The following SLC9A6 variants were observed in gnomAD, a reference collection of about 807,000 sequenced individuals.
The protein encoded by SLC9A6 is sodium/hydrogen exchanger 6.
Under a neutral mutation model 45.3 loss-of-function variants are expected in SLC9A6, and 6 were observed. That is an observed-to-expected ratio of 0.13 (90% CI 0.07 to 0.26). The LOEUF (loss-of-function observed/expected upper bound fraction) is 0.26. Among genes scored for constraint, SLC9A6 ranks in the 10% least tolerant of loss-of-function variants. SLC9A6 has a pLI of 1.00. For missense variants in SLC9A6, 278 were observed against 503.7 expected, an observed-to-expected ratio of 0.55 and a Z score of 4.29; for synonymous variants, 191 against 187.7, an observed-to-expected ratio of 1.02 and a Z score of -0.14.
chrX:136,001,533 A>G (rs2089584126), intron 6 of SLC9A6, among the ~76,000 whole-genome samples: 1 of 111,133 alleles, frequency 9.0e-6, no homozygotes. Context: ...TTTCTTCTTA[A>G]GCTGGAATAT....
intron 4 of SLC9A6, 125 bp downstream of exon 4, chrX:135,998,310 T>C (rs1338843211): frequency 7.1e-6 from 4 of 566,728 alleles, no homozygotes; most frequent in Non-Finnish European, 1.2e-5. Flanking sequence ...CTTATCCTTT[T>C]TAGATGCTGA....
chrX:136,037,436 A>C (rs1021226774), intron 16 of SLC9A6, among the ~76,000 whole-genome samples: 10 of 112,863 alleles, frequency 8.9e-5, no homozygotes, highest in African/African-American at 2.9e-4. Flanking sequence ...TTTTCAGTAC[A>C]CAGCTCTTGT....
chrX:135,997,724 A>G (rs1377558980), intron 3 of SLC9A6, among the ~76,000 whole-genome samples: 13 of 105,228 alleles, frequency 1.2e-4, no homozygotes, highest in African/African-American at 4.6e-4. Context: ...CCCTATTTTT[A>G]ACTTTTTTCT....
intron 1 of SLC9A6, among the ~76,000 whole-genome samples, chrX:135,976,864 C>CT (rs1464159310): frequency 5.4e-5 from 6 of 111,866 alleles, no homozygotes; most frequent in South Asian, 3.7e-4. Flanking sequence ...ATTTCTCACT[C>CT]TTTTTTTACC....
At chrX:136,028,392 T>G (rs1315747319) in intron 13 of SLC9A6, among the ~76,000 whole-genome samples, 2 of 111,966 alleles carry the variant, frequency 1.8e-5, no homozygotes, top group South Asian at 3.7e-4. Context: ...GCCCTAGTTG[T>G]GTTGGTTTCC....
intron 11 of SLC9A6, 97 bp from the exon 12 acceptor site, chrX:136,022,489 C>G: frequency 2.0e-6 from 1 of 496,992 alleles, no homozygotes; most frequent in Non-Finnish European, 3.4e-6. Context: ...GTGTTAGAAA[C>G]TGAGTTCCCT....
At chrX:136,010,346 TCTC>T in intron 7 of SLC9A6, 93 bp from the exon 8 acceptor site, 1 of 989,065 alleles carries the variant, frequency 1.0e-6, no homozygotes, top group South Asian at 2.1e-5. Flanking sequence ...TTGTTTTTCT[TCTC>T]CCTCTAATTT....
chrX:135,994,278 G>A (rs1430556780), intron 2 of SLC9A6, among the ~76,000 whole-genome samples: 4 of 109,236 alleles, frequency 3.7e-5, no homozygotes, highest in Non-Finnish European at 7.6e-5. Flanking sequence ...CTGATTTTTT[G>A]TATCTTAGTA....
chrX:136,039,209 A>G (rs1556622156), intron 16 of SLC9A6, among the ~76,000 whole-genome samples: 1 of 109,380 alleles, frequency 9.1e-6, no homozygotes, highest in Non-Finnish European at 1.9e-5. Context: ...GCAAAAATCA[A>G]ATAAAAAAAA....
chrX:136,020,659 C>T (rs1024522127), intron 11 of SLC9A6, among the ~76,000 whole-genome samples: 3 of 112,231 alleles, frequency 2.7e-5, no homozygotes, highest in African/African-American at 9.7e-5. Flanking sequence ...GCGTGAGCCA[C>T]CACACCCAGC....
At chrX:135,979,478 A>AGTTG (rs1208502170) in intron 1 of SLC9A6, among the ~76,000 whole-genome samples, 2 of 111,446 alleles carry the variant, frequency 1.8e-5, no homozygotes, top group Non-Finnish European at 3.8e-5. Flanking sequence ...ACCTGTCCAT[A>AGTTG]GTTGAGCTCT....
chrX:136,010,678 TG>T, intron 8 of SLC9A6, 95 bp downstream of exon 8: 1 of 803,694 alleles, frequency 1.2e-6, no homozygotes, highest in Non-Finnish European at 1.9e-6. Context: ...ATTAGAATTA[TG>T]TTAGAATTAT....
Position 136,024,503 on chromosome X carries a change from C to T in SLC9A6, c.1460+20C>T. ...TATCAGGTAAGTACTAACTAGAGAC[C>T]TCATTTTAAGATTAAATTTTAATTT... is the stretch of plus-strand genomic sequence containing the variant. On this transcript the variant is annotated intron_variant, in intron 13 of 17. Coordinates refer to ENST00000630721, the MANE Select transcript of SLC9A6 (RefSeq NM_001379110.1). 8.5e-7 allele frequency: 1 copy of T among 1,178,122 alleles called. No homozygotes were observed. Among genetic ancestry groups the T allele is most frequent in the Non-Finnish European group, 1.2e-6 (1 of 866,407 alleles).
At chrX:136,031,988 A>C in intron 15 of SLC9A6, among the ~76,000 whole-genome samples, 1 of 112,659 alleles carries the variant, frequency 8.9e-6, no homozygotes, top group Non-Finnish European at 1.9e-5. Context: ...AGAGAAATTT[A>C]TTTTGAGCAT....
rs1488955573 is a variant in SLC9A6 at position 136,013,659 on chromosome X, A to T, written c.1080+222A>T. On this transcript the variant is annotated intron_variant, in intron 10 of 17. Transcript: ENST00000630721. ...AGCAGAATAGCCAGAGACTGTTACT[A>T]TTGTGGCTTCAATAACCAGTGAAGT... is the stretch of plus-strand genomic sequence containing the variant. 4.5e-5 allele frequency among the ~76,000 whole-genome samples: 5 copies of T among 111,844 alleles called. 1 individual carries two copies. The highest frequency in any genetic ancestry group is 9.4e-5 in the Non-Finnish European group (5 of 53,182).
chrX:135,996,095 G>A (rs1410407495), intron 3 of SLC9A6, among the ~76,000 whole-genome samples: 7 of 92,858 alleles, frequency 7.5e-5, no homozygotes, highest in Non-Finnish European at 1.2e-4. Flanking sequence ...GTAGTGGCAC[G>A]ATCTCAGCTC....
chrX:136,046,137 T>C lies in SLC9A6; in HGVS notation c.*1413T>C, dbSNP rs1035627902. 29 of 112,441 alleles carry C rather than the reference T, an allele frequency of 2.6e-4. No homozygotes were observed. The highest frequency in any genetic ancestry group is 9.4e-5 in the Admixed American group (1 of 10,598). The allele number at this position is 112,441 out of a possible 1,213,427, so 9.3% of individuals were successfully genotyped here. A position where few individuals can be genotyped will look rare whatever the true frequency, so the allele number is the denominator to read the frequency against. On this transcript the variant is annotated 3_prime_UTR_variant, in exon 18 of 18. Coordinates refer to ENST00000630721, the MANE Select transcript of SLC9A6 (RefSeq NM_001379110.1). ...AAAACAAACTTTTTTGGATTTTTTTTCCCTCAGGTCTGAGTAGCATTGCCT... is the reference window on the plus strand; with the variant it reads ...AAAACAAACTTTTTTGGATTTTTTTCCCCTCAGGTCTGAGTAGCATTGCCT...
rs182736076 is a variant in SLC9A6, at chrX:136,004,209, C to A, written c.743+1996C>A. 6.2e-3 allele frequency among the ~76,000 whole-genome samples: 670 copies of A among 107,411 alleles called. 3 individuals carry two copies. Among genetic ancestry groups the A allele is most frequent in the Non-Finnish European group, 0.011 (552 of 51,992 alleles). 93.3% of individuals were successfully genotyped at this position (107,411 alleles called of 115,157 possible). On this transcript the variant is annotated intron_variant, in intron 7 of 17. Transcript: ENST00000630721. ...GTTCAAGCAATTCTCCTGCCTCAGCCTCCCGAGTAGCTGGGACTACGGGCA... is the reference window on the plus strand; with the variant it reads ...GTTCAAGCAATTCTCCTGCCTCAGCATCCCGAGTAGCTGGGACTACGGGCA...
intron 16 of SLC9A6, among the ~76,000 whole-genome samples, chrX:136,036,665 C>G (rs1186203029): frequency 8.9e-6 from 1 of 112,742 alleles, no homozygotes; most frequent in Admixed American, 9.4e-5. Flanking sequence ...AGGTGCATGG[C>G]ACCACATCCA....
Sources: gnomAD v4.1 joint callset for allele counts (sites outside exome capture counted in the v4.1 genomes callset) on GRCh38, gnomAD v4.1.1 for gene constraint, MANE v1.5 for transcripts, NCBI Gene and HGNC (gene_info 2026-07-23, HGNC 2026-07-21) for gene names.